Variants in INTU observed in about 807,000 individuals in gnomAD.
The protein encoded by INTU is protein inturned.
In INTU, 68 loss-of-function variants were observed where a neutral mutation model predicts 100.5. The ratio of observed to expected loss-of-function variants is 0.68; its 90% CI spans 0.56 to 0.83. INTU has a LOEUF of 0.83. INTU is among the 40% of genes least tolerant of loss of function. INTU has a pLI of 0.00. For missense variants in INTU, 1,071 were observed against 1,114.7 expected, an observed-to-expected ratio of 0.96 and a Z score of 0.56; for synonymous variants, 357 against 395.7, an observed-to-expected ratio of 0.90 and a Z score of 1.16.
intron 14 of INTU, among the ~76,000 whole-genome samples, chr4:127,712,839 C>T (rs546607408): frequency 6.6e-6 from 1 of 152,306 alleles, no homozygotes; most frequent in Admixed American, 6.5e-5. Context: ...TCAGCTGCGG[C>T]ATTAGGTTCT....
intron 15 of INTU, among the ~76,000 whole-genome samples, chr4:127,714,420 C>A (rs947940526): frequency 5.3e-5 from 8 of 152,016 alleles, no homozygotes; most frequent in African/African-American, 1.9e-4. Context: ...TCTTCCCTTC[C>A]CCTCTCTCTG....
intron 5 of INTU, among the ~76,000 whole-genome samples, chr4:127,673,614 TGAGATA>T (rs1472048192): frequency 6.6e-6 from 1 of 151,958 alleles, no homozygotes; most frequent in Non-Finnish European, 1.5e-5. Flanking sequence ...TTTCTTTTTT[TGAGATA>T]GAGTCTCACT....
rs1017422663 is a variant in INTU at position 127,720,516 on chromosome 4, G to C, written c.*4080G>C. The C allele has an allele frequency of 6.6e-6, 1 of 152,104 alleles. No individual in the cohort carries two copies. The highest frequency in any genetic ancestry group is 1.5e-5 in the Non-Finnish European group (1 of 68,026). 9.4% of individuals were successfully genotyped at this position (152,104 alleles called of 1,614,324 possible). ...CAGGTCCCACTTGATCCAGAGCTGAGGTCAAGTCCTGAATAACTTTGTTAA... is the reference window on the plus strand; with the variant it reads ...CAGGTCCCACTTGATCCAGAGCTGACGTCAAGTCCTGAATAACTTTGTTAA... On this transcript the variant is annotated 3_prime_UTR_variant, in exon 16 of 16. Coordinates refer to ENST00000335251, the MANE Select transcript of INTU (RefSeq NM_015693.4).
At chr4:127,634,198 T>C (rs1047866498) in intron 1 of INTU, among the ~76,000 whole-genome samples, 1 of 152,246 alleles carries the variant, frequency 6.6e-6, no homozygotes, top group Non-Finnish European at 1.5e-5. Flanking sequence ...AAACAAATTT[T>C]AAAATATCGT....
intron 1 of INTU, among the ~76,000 whole-genome samples, chr4:127,639,092 C>A (rs1404075067): frequency 6.6e-6 from 1 of 152,138 alleles, no homozygotes; most frequent in African/African-American, 2.4e-5. Context: ...TCTTACACAA[C>A]TATTATGCAT....
Position 127,700,097 on chromosome 4 carries a change from A to G in INTU, c.1503+34A>G, listed in dbSNP as rs568459546. On this transcript the variant is annotated intron_variant, in intron 9 of 15. Transcript: ENST00000335251. ...AGGAGTGGATTTTATAAAAGGCTCA[A>G]TGTTGAATTATTTTGTATAACAGTC... 5.3e-6 allele frequency: 8 copies of G among 1,506,946 alleles called. No individual in the cohort carries two copies. In the Admixed American group the frequency reaches 5.5e-5, roughly 10 times the overall value. 93.3% of individuals were successfully genotyped at this position (1,506,946 alleles called of 1,614,324 possible). A position where few individuals can be genotyped will look rare whatever the true frequency, so the allele number is the denominator to read the frequency against.
rs539012611 is a variant in INTU, at chr4:127,695,727, T to A, written c.1450-4283T>A. 5.3e-5 allele frequency among the ~76,000 whole-genome samples: 8 copies of A among 152,318 alleles called. No homozygotes were observed. In the South Asian group the frequency reaches 1.7e-3, roughly 32 times the overall value. ...TTATTGCATTAGCTAGGCCTCCCAC[T>A]GTGATGTTGAAAAGGAGTGGTGGTA... On this transcript the variant is annotated intron_variant, in intron 8 of 15. Coordinates refer to ENST00000335251, the MANE Select transcript of INTU (RefSeq NM_015693.4).
At chr4:127,704,475 C>G (rs1018274017) in intron 10 of INTU, among the ~76,000 whole-genome samples, 185 bp downstream of exon 10, 5 of 152,096 alleles carry the variant, frequency 3.3e-5, no homozygotes, top group African/African-American at 1.2e-4. Flanking sequence ...GTACGGGGTA[C>G]AATCATAGCT....
chr4:127,676,075 A>G (rs1729161362), intron 6 of INTU: 1 of 168,624 alleles, frequency 5.9e-6, no homozygotes, highest in African/African-American at 2.4e-5. Flanking sequence ...GGTAACTTTA[A>G]TTTTGGACAG....
intron 6 of INTU, 81 bp downstream of exon 6, chr4:127,674,294 C>CA (rs1414528347): frequency 4.6e-6 from 5 of 1,096,012 alleles, no homozygotes; most frequent in Non-Finnish European, 6.7e-6. Context: ...ACATTTTTGT[C>CA]AAAAGACAAA....
intron 11 of INTU, 58 bp from the exon 12 acceptor site, chr4:127,706,428 AT>A: frequency 7.0e-7 from 1 of 1,433,398 alleles, no homozygotes; most frequent in Non-Finnish European, 9.5e-7. Context: ...ATACATGCAC[AT>A]TTTATGTAAA....
rs1227748664 is a variant in INTU, at chr4:127,633,191, C to G, written c.146+11C>G. ...GAGTAGCGATTATGAGTAAGGTTTTCAAAGAGGGACAATTAATCCCATCCC... is the reference window on the plus strand; with the variant it reads ...GAGTAGCGATTATGAGTAAGGTTTTGAAAGAGGGACAATTAATCCCATCCC... On this transcript the variant is annotated intron_variant, in intron 1 of 15. Transcript: ENST00000335251. 5.0e-6 allele frequency: 8 copies of G among 1,610,940 alleles called. No homozygotes were observed. The East Asian group carries it at 1.6e-4, about 31-fold the overall frequency.
Position 127,645,723 on chromosome 4 carries a change from A to T in INTU, c.682+1667A>T, listed in dbSNP as rs1352249917. Among the ~76,000 whole-genome samples the T allele has an allele frequency of 4.6e-5, 7 of 151,678 alleles. No individual in the cohort carries two copies. The South Asian group carries it at 1.5e-3, about 32-fold the overall frequency. On this transcript the variant is annotated intron_variant, in intron 2 of 15. Coordinates refer to ENST00000335251, the MANE Select transcript of INTU (RefSeq NM_015693.4). Reference sequence around the variant, plus strand: ...TTACTGGCACCCACCACCATGCCTGACTAATTTTTTTGTATTTTTTAGTAG... The same window carrying T: ...TTACTGGCACCCACCACCATGCCTGTCTAATTTTTTTGTATTTTTTAGTAG...
At chr4:127,634,978 A>G (rs1727003595) in intron 1 of INTU, among the ~76,000 whole-genome samples, 1 of 152,214 alleles carries the variant, frequency 6.6e-6, no homozygotes, top group Non-Finnish European at 1.5e-5. Flanking sequence ...TCATTAAAGC[A>G]AAGACATGAA....
intron 1 of INTU, among the ~76,000 whole-genome samples, chr4:127,634,052 A>G (rs2126167570): frequency 6.6e-6 from 1 of 152,354 alleles, no homozygotes; most frequent in Non-Finnish European, 1.5e-5. Flanking sequence ...TAGGAACAAC[A>G]GTTACAAATC....
intron 4 of INTU, among the ~76,000 whole-genome samples, chr4:127,667,049 C>A (rs1728729309): frequency 6.6e-6 from 1 of 152,040 alleles, no homozygotes; most frequent in Non-Finnish European, 1.5e-5. Flanking sequence ...TAGTACTGAT[C>A]CTTTATATTT....
intron 6 of INTU, among the ~76,000 whole-genome samples, chr4:127,674,697 TGTGA>T (rs1352086258): frequency 6.6e-6 from 1 of 152,224 alleles, no homozygotes; most frequent in Non-Finnish European, 1.5e-5. Context: ...TTAACTTTTT[TGTGA>T]GTATTTTGAA....
rs374803646 is a variant in INTU at position 127,687,906 on chromosome 4, G to A, written c.1449+39G>A. The stretch of plus-strand genomic sequence containing the variant: ...TTATAAAGCAGAAGCAGAACCAGGT[G>A]CCTTATTATAATCTTGTATCTTCTC... On this transcript the variant is annotated intron_variant, in intron 8 of 15. Transcript: ENST00000335251. 5 of 1,340,772 alleles carry A rather than the reference G, an allele frequency of 3.7e-6. No homozygotes were observed. The East Asian group carries it at 7.4e-5, about 20-fold the overall frequency. The allele number at this position is 1,340,772 out of a possible 1,614,324, so 83.1% of individuals were successfully genotyped here. A position where few individuals can be genotyped will look rare whatever the true frequency, so the allele number is the denominator to read the frequency against.
rs1255926172 is a variant in INTU, at chr4:127,717,210, C to T, written c.*774C>T. 1 of 152,160 alleles carries T rather than the reference C, an allele frequency of 6.6e-6. No homozygotes were observed. 9.4% of individuals were successfully genotyped at this position (152,160 alleles called of 1,614,324 possible). A position where few individuals can be genotyped will look rare whatever the true frequency, so the allele number is the denominator to read the frequency against. On this transcript the variant is annotated 3_prime_UTR_variant, in exon 16 of 16. Transcript: ENST00000335251. ...TTTGTCCATGTGTTCTCATGGTCAGCTCCCACTTATAAGTGAGAACCTACA... is the reference window on the plus strand; with the variant it reads ...TTTGTCCATGTGTTCTCATGGTCAGTTCCCACTTATAAGTGAGAACCTACA...
Sources: gnomAD v4.1 joint callset for allele counts (sites outside exome capture counted in the v4.1 genomes callset) on GRCh38, gnomAD v4.1.1 for gene constraint, MANE v1.5 for transcripts, NCBI Gene and HGNC (gene_info 2026-07-23, HGNC 2026-07-21) for gene names.